Variants in ZBTB11 observed in about 807,000 individuals in gnomAD.
The protein encoded by ZBTB11 is zinc finger and BTB domain containing 11, also known as zinc finger and BTB domain-containing protein 11.
ZBTB11 carries 68 observed loss-of-function variants against 113.1 expected under a neutral mutation model. The observed-to-expected ratio is 0.60, with a 90% CI of 0.49 to 0.74. The LOEUF (loss-of-function observed/expected upper bound fraction) is 0.74. ZBTB11 is among the 30% of genes least tolerant of loss of function. The probability of loss-of-function intolerance (pLI) is 0.00; values close to 1 mark genes in which losing one functional copy is unlikely to be tolerated. For synonymous variants in ZBTB11, 518 were observed against 452.6 expected (o/e 1.14, Z -1.83); for missense variants, 1,104 against 1,279.4 (o/e 0.86, Z 2.09).
intron 3 of ZBTB11, among the ~76,000 whole-genome samples, chr3:101,668,809 C>T (rs895671666): frequency 1.3e-5 from 2 of 151,634 alleles, no homozygotes; most frequent in Non-Finnish European, 2.9e-5. Context: ...ATAAAAGGAG[C>T]GAGCCTCTCT....
chr3:101,673,309 G>C (rs971772037), intron 1 of ZBTB11, among the ~76,000 whole-genome samples: 2 of 152,084 alleles, frequency 1.3e-5, no homozygotes, highest in Non-Finnish European at 2.9e-5. Context: ...TAGTAAAATG[G>C]CAGAGCTAGG....
At chr3:101,652,021 T>C (rs1008310341) in intron 10 of ZBTB11, among the ~76,000 whole-genome samples, 14 of 151,874 alleles carry the variant, frequency 9.2e-5, no homozygotes, top group Non-Finnish European at 1.9e-4. Flanking sequence ...CCCAGCTACT[T>C]AGGAGGCTGA....
intron 3 of ZBTB11, among the ~76,000 whole-genome samples, chr3:101,667,376 G>T (rs1937014271): frequency 1.3e-5 from 2 of 152,104 alleles, no homozygotes; most frequent in African/African-American, 4.8e-5. Flanking sequence ...CTCACACTAG[G>T]TGTCATATTA....
Position 101,665,186 on chromosome 3 carries a change from G to C in ZBTB11, c.1401C>G (p.Ala467=). ...TCTGCCTATGTTTTGGAATGTCTTCGGCACAAATATCCTCAGCTGATATAT... is the reference window on the plus strand; with the variant it reads ...TCTGCCTATGTTTTGGAATGTCTTCCGCACAAATATCCTCAGCTGATATAT... ...GNDISAEDIC[A]EDIPKHRQKV... The change falls in exon 4 of 11, where the codon GCC becomes GCG. Residue 467 remains alanine (A), a synonymous_variant. Coordinates refer to ENST00000312938, the MANE Select transcript of ZBTB11 (RefSeq NM_014415.4). 6.2e-7 allele frequency: 1 copy of C among 1,613,888 alleles called. No individual in the cohort carries two copies. The highest frequency in any genetic ancestry group is 8.5e-7 in the Non-Finnish European group (1 of 1,180,008).
intron 5 of ZBTB11, among the ~76,000 whole-genome samples, chr3:101,663,296 T>G (rs535042227): frequency 6.6e-6 from 1 of 152,258 alleles, no homozygotes; most frequent in Non-Finnish European, 1.5e-5. Context: ...GGTCTTGAAA[T>G]CTTGAGCTCA....
At chr3:101,676,509 G>A (rs962266304) in intron 1 of ZBTB11, 96 bp downstream of exon 1, 4 of 1,296,696 alleles carry the variant, frequency 3.1e-6, no homozygotes, top group African/African-American at 1.6e-5. Flanking sequence ...AGGCGTCCGA[G>A]ACCCTCCGAC....
chr3:101,676,524 G>T (rs1937176944), intron 1 of ZBTB11, 81 bp downstream of exon 1: 2 of 1,357,962 alleles, frequency 1.5e-6, no homozygotes, highest in Non-Finnish European at 9.6e-7. Context: ...TCCGACTCGT[G>T]GGTACGCATA....
Position 101,650,758 on chromosome 3 carries a change from T to C in ZBTB11, c.*408A>G, listed in dbSNP as rs1936687666. 1 of 153,944 alleles carries C rather than the reference T, an allele frequency of 6.5e-6. No homozygotes were observed. Among genetic ancestry groups the C allele is most frequent in the Admixed American group, 6.5e-5 (1 of 15,456 alleles). The allele number at this position is 153,944 out of a possible 1,614,324, so 9.5% of individuals were successfully genotyped here. On this transcript the variant is annotated 3_prime_UTR_variant, in exon 11 of 11. Transcript: ENST00000312938. ...AATAAATCACAGAATCTCTATATTT[T>C]GAGAATAAAACAGAAGAAAAGCCAA...
chr3:101,651,246 G>C lies in ZBTB11; in HGVS notation c.3082C>G (p.Gln1028Glu). The change falls in exon 11 of 11, where the codon CAA (glutamine) becomes GAA (glutamate). Residue 1028 changes from glutamine to glutamate, a missense_variant. This residue lies in a region of ZBTB11 where 90 missense variants were observed against 98.0 expected (regional missense o/e 0.92). Transcript: ENST00000312938. ...GCAACTTCAGATAGCTTCTGTCCTT[G>C]CTGTTGTGCTAATACATAATTAACC... is the stretch of plus-strand genomic sequence containing the variant. The part of the protein sequence containing the change: ...QVVNYVLAQQ[Q>E]GQKLSEVAEA... The C allele has an allele frequency of 6.2e-7, 1 of 1,613,930 alleles. No homozygotes were observed. The highest frequency in any genetic ancestry group is 1.3e-5 in the African/African-American group (1 of 75,028).
Position 101,664,545 on chromosome 3 carries a change from T to A in ZBTB11, c.1793A>T (p.Lys598Ile). The part of the protein sequence containing the change: ...KLKHERARDY[K>I]CPLCKKQFQY... ...AGCTTTCCAAATACTTACTGGACAT[T>A]TGTAATCTCTAGCTCTTTCATGTTT... The change falls in exon 5 of 11, where the codon AAA (lysine) becomes ATA (isoleucine). Residue 598 changes from lysine to isoleucine, a missense_variant. Physicochemically the swap from Lys to Ile is moderately radical, Grantham distance 102. This residue lies in a region of ZBTB11 where 535 missense variants were observed against 518.6 expected (regional missense o/e 1.03). Coordinates refer to ENST00000312938, the MANE Select transcript of ZBTB11 (RefSeq NM_014415.4). 1 of 1,601,168 alleles carries A rather than the reference T, an allele frequency of 6.2e-7. No individual in the cohort carries two copies. The highest frequency in any genetic ancestry group is 8.5e-7 in the Non-Finnish European group (1 of 1,176,786).
At chr3:101,663,843 T>A (rs895169144) in intron 5 of ZBTB11, among the ~76,000 whole-genome samples, 3 of 152,088 alleles carry the variant, frequency 2.0e-5, no homozygotes, top group African/African-American at 7.2e-5. Flanking sequence ...TGAGCCAAGA[T>A]TGCGCCACTG....
rs1039970755 is a variant in ZBTB11 at position 101,658,317 on chromosome 3, C to T, written c.2046+1466G>A. 4.1e-4 allele frequency among the ~76,000 whole-genome samples: 63 copies of T among 151,904 alleles called. 1 individual carries two copies. The highest frequency in any genetic ancestry group is 1.3e-4 in the Admixed American group (2 of 15,256). On this transcript the variant is annotated intron_variant, in intron 6 of 10. Coordinates refer to ENST00000312938, the MANE Select transcript of ZBTB11 (RefSeq NM_014415.4). ...CTCGGCTCACTGCAACCTCTGCCTCCCGGGTTCAAGCAATTCTCCTGCCTC... is the reference window on the plus strand; with the variant it reads ...CTCGGCTCACTGCAACCTCTGCCTCTCGGGTTCAAGCAATTCTCCTGCCTC...
chr3:101,654,883 T>TG (rs1936768397), intron 7 of ZBTB11, 62 bp from the exon 8 acceptor site: 2 of 1,441,248 alleles, frequency 1.4e-6, no homozygotes, highest in African/African-American at 2.8e-5. Flanking sequence ...TAACAGAATT[T>TG]TTTTTTTTTG....
At position 101,671,271 on chromosome 3, in the gene ZBTB11, A is replaced by G. The variant is rs1937081337; in HGVS notation, c.637T>C (p.Phe213Leu). 6.2e-7 allele frequency: 1 copy of G among 1,614,040 alleles called. No individual in the cohort carries two copies. ...TCAATTAACAAAGTAACATCACAGAACTGGTTGGAAAGTCTCTGTTCGTTC... is the reference window on the plus strand; with the variant it reads ...TCAATTAACAAAGTAACATCACAGAGCTGGTTGGAAAGTCTCTGTTCGTTC... ...QLNEQRLSNQFCDVTLLIEGE... is the reference protein window; with the variant it reads ...QLNEQRLSNQLCDVTLLIEGE... Residue 213 changes from phenylalanine to leucine, a missense_variant, in exon 3 of 11, where the codon TTC becomes CTC. This residue lies in a region of ZBTB11 where 86 missense variants were observed against 131.0 expected (regional missense o/e 0.66). Transcript: ENST00000312938.
intron 1 of ZBTB11, 87 bp downstream of exon 1, chr3:101,676,518 A>G (rs1165254231): frequency 7.5e-7 from 1 of 1,336,258 alleles, no homozygotes; most frequent in Non-Finnish European, 9.8e-7. Flanking sequence ...AGACCCTCCG[A>G]CTCGTGGGTA....
intron 6 of ZBTB11, among the ~76,000 whole-genome samples, chr3:101,657,753 G>C (rs1254973642): frequency 6.6e-6 from 1 of 152,110 alleles, no homozygotes; most frequent in Non-Finnish European, 1.5e-5. Flanking sequence ...GGGAGGCCCA[G>C]GTGGGAGAAC....
At chr3:101,663,881 C>T (rs2108322244) in intron 5 of ZBTB11, among the ~76,000 whole-genome samples, 1 of 152,264 alleles carries the variant, frequency 6.6e-6, no homozygotes, top group South Asian at 2.1e-4. Flanking sequence ...CAGAACAAGA[C>T]TCCATCTCAA....
Position 101,652,897 on chromosome 3 carries a change from T to G in ZBTB11, c.2351A>C (p.His784Pro). ...SFFEARDLRQ[H>P]MNKHLGVKPF... ...CTTCACACCAAGATGTTTGTTCATG[T>G]GCTGGCGAAGATCTCTAGCTTCAAA... Residue 784 changes from histidine (H) to proline (P), a missense_variant, in exon 9 of 11, where the codon CAC (histidine) becomes CCC (proline). Coordinates refer to ENST00000312938, the MANE Select transcript of ZBTB11 (RefSeq NM_014415.4). The G allele has an allele frequency of 6.2e-7, 1 of 1,613,850 alleles. No individual in the cohort carries two copies.
chr3:101,655,003 G>A (rs527241050), intron 7 of ZBTB11, among the ~76,000 whole-genome samples, 182 bp from the exon 8 acceptor site: 28 of 152,096 alleles, frequency 1.8e-4, no homozygotes, highest in African/African-American at 6.3e-4. Flanking sequence ...TCAGCTTCCC[G>A]AGTAGCTGGG....
Sources: gnomAD v4.1 joint callset for allele counts (sites outside exome capture counted in the v4.1 genomes callset) on GRCh38, gnomAD v4.1.1 for gene constraint, gnomAD v4.1.1 regional missense constraint, MANE v1.5 for transcripts, NCBI Gene and HGNC (gene_info 2026-07-23, HGNC 2026-07-21) for gene names.